NBEA: variants seen among roughly 807,000 people sequenced by gnomAD.
NBEA encodes neurobeachin.
In NBEA, 44 loss-of-function variants were observed where a neutral mutation model predicts 343.4. The ratio of observed to expected loss-of-function variants is 0.13; its 90% CI spans 0.10 to 0.16. NBEA has a LOEUF of 0.16. Among genes scored for constraint, NBEA ranks in the 10% least tolerant of loss-of-function variants. The probability of loss-of-function intolerance (pLI) is 1.00; values close to 1 mark genes in which losing one functional copy is unlikely to be tolerated. For missense variants in NBEA, 2,555 were observed against 3,631.3 expected (o/e 0.70, Z 7.62); for synonymous variants, 1,175 against 1,238.7 (o/e 0.95, Z 1.08).
intron 1 of NBEA, among the ~76,000 whole-genome samples, chr13:35,016,364 G>T (rs573989939): frequency 3.9e-5 from 6 of 152,192 alleles, no homozygotes; most frequent in East Asian, 3.9e-4. Flanking sequence ...TAGAATCTGA[G>T]TATTACATCT....
chr13:35,159,612 C>T lies in NBEA; in HGVS notation c.3441C>T (p.Leu1147=), dbSNP rs191734839. ...EDLPNSSTSF[L]FDKIPKQEEK... is the part of the protein sequence containing the mutation. ...TTCCCAATAGTAGTACATCATTTCT[C>T]TTTGATAAAATACCCAAACAGGAGG... The change falls in exon 22 of 59, where the codon CTC becomes CTT. Residue 1147 remains leucine (L), a synonymous_variant. Coordinates refer to ENST00000379939, the MANE Select transcript of NBEA (RefSeq NM_001385012.1). 415 of 1,611,406 alleles carry T rather than the reference C, an allele frequency of 2.6e-4. 2 individuals are homozygous for T. The highest frequency in any genetic ancestry group is 4.2e-5 in the Non-Finnish European group (49 of 1,178,798).
chr13:35,329,297 T>C (rs1160350996), intron 36 of NBEA, among the ~76,000 whole-genome samples: 3 of 151,996 alleles, frequency 2.0e-5, no homozygotes, highest in African/African-American at 7.2e-5. Context: ...TTTTACAAGG[T>C]TAAACATATT....
At chr13:35,207,095 A>G (rs2073444962) in intron 31 of NBEA, among the ~76,000 whole-genome samples, 1 of 151,996 alleles carries the variant, frequency 6.6e-6, no homozygotes, top group South Asian at 2.1e-4. Flanking sequence ...TTAAGATTAT[A>G]ATACCTTAAT....
At chr13:35,297,124 A>C (rs1278496961) in intron 35 of NBEA, among the ~76,000 whole-genome samples, 1 of 152,018 alleles carries the variant, frequency 6.6e-6, no homozygotes, top group African/African-American at 2.4e-5. Context: ...TCTCTTTTTT[A>C]CATGTGTTCA....
intron 48 of NBEA, among the ~76,000 whole-genome samples, chr13:35,613,734 C>T (rs2082621334): frequency 6.6e-6 from 1 of 152,104 alleles, no homozygotes; most frequent in African/African-American, 2.4e-5. Context: ...GATCCTCCCA[C>T]CTCAGCCTCC....
At chr13:35,422,409 T>G (rs919656821) in intron 38 of NBEA, among the ~76,000 whole-genome samples, 4 of 151,750 alleles carry the variant, frequency 2.6e-5, no homozygotes, top group African/African-American at 9.7e-5. Context: ...TTTGGTTTTT[T>G]GTCCTTGCGA....
chr13:35,204,961 A>T (rs531350948), intron 31 of NBEA, among the ~76,000 whole-genome samples: 1 of 152,184 alleles, frequency 6.6e-6, no homozygotes, highest in Non-Finnish European at 1.5e-5. Flanking sequence ...AGAAGATTTT[A>T]TAAGAGTTGA....
At chr13:35,161,336 A>C (rs995689359) in intron 22 of NBEA, among the ~76,000 whole-genome samples, 6 of 152,214 alleles carry the variant, frequency 3.9e-5, no homozygotes, top group African/African-American at 1.2e-4. Context: ...TGAAACTGTC[A>C]AGTAATATTT....
At chr13:35,306,515 C>T (rs2036902522) in intron 35 of NBEA, among the ~76,000 whole-genome samples, 2 of 151,886 alleles carry the variant, frequency 1.3e-5, no homozygotes, top group South Asian at 4.1e-4. Context: ...TCATATGTCC[C>T]AGTTTTATTA....
intron 11 of NBEA, among the ~76,000 whole-genome samples, chr13:35,100,189 TAATC>T (rs2065571224): frequency 6.6e-6 from 1 of 152,096 alleles, no homozygotes; most frequent in Admixed American, 6.5e-5. Context: ...GTCACAAAAA[TAATC>T]AAGTTCTAAA....
chr13:35,563,132 GAGAT>G (rs3075543), intron 44 of NBEA, among the ~76,000 whole-genome samples: 35,533 of 123,176 alleles, frequency 0.29, 4,816 homozygotes, highest in African/African-American at 0.38. Flanking sequence ...TGTGTGTGTG[GAGAT>G]AGATAGATAG....
At chr13:35,110,302 C>G (rs1340212676) in intron 12 of NBEA, among the ~76,000 whole-genome samples, 1 of 150,546 alleles carries the variant, frequency 6.6e-6, no homozygotes, top group African/African-American at 2.4e-5. Flanking sequence ...GACATGCCAT[C>G]TCTATGCTCA....
rs530921408 is a variant in NBEA, at chr13:35,338,906, A to G, written c.5904-10202A>G. ...ATGACTGGGAGAAAAACACATGATC[A>G]CATCTTAATAGATAAAATCATTTGA... On this transcript the variant is annotated intron_variant, in intron 36 of 58. Coordinates refer to ENST00000379939, the MANE Select transcript of NBEA (RefSeq NM_001385012.1). Among the ~76,000 whole-genome samples, 6 of 152,254 alleles carry G rather than the reference A, an allele frequency of 3.9e-5. No individual in the cohort carries two copies. The South Asian group carries it at 1.2e-3, about 32-fold the overall frequency.
Position 35,138,125 on chromosome 13 carries a change from T to C in NBEA, c.2337-4144T>C, listed in dbSNP as rs545802993. Among the ~76,000 whole-genome samples the C allele has an allele frequency of 5.3e-5, 8 of 152,272 alleles. No individual in the cohort carries two copies. The South Asian group carries it at 1.0e-3, about 20-fold the overall frequency. On this transcript the variant is annotated intron_variant, in intron 17 of 58. Coordinates refer to ENST00000379939, the MANE Select transcript of NBEA (RefSeq NM_001385012.1). ...AGTATAAATGGTTAGAAAGTTTCAA[T>C]TGATCAGCAATTCTTGTCAATGAAA...
chr13:35,644,218 G>A (rs975303699), intron 49 of NBEA, among the ~76,000 whole-genome samples: 6 of 152,134 alleles, frequency 3.9e-5, no homozygotes, highest in African/African-American at 1.2e-4. Flanking sequence ...GTTCAGTGTC[G>A]AGAACTGACT....
At chr13:35,041,225 C>T (rs2062636071) in intron 2 of NBEA, 61 bp downstream of exon 2, 2 of 1,265,064 alleles carry the variant, frequency 1.6e-6, no homozygotes, top group African/African-American at 3.0e-5. Flanking sequence ...ACATACTTCT[C>T]TTTATATTCT....
intron 55 of NBEA, among the ~76,000 whole-genome samples, chr13:35,663,912 G>A (rs1166688968): frequency 6.6e-6 from 1 of 152,214 alleles, no homozygotes; most frequent in African/African-American, 2.4e-5. Context: ...CAAAATTGGA[G>A]CTGATGGGTC....
chr13:35,239,351 G>A (rs1364508855), intron 34 of NBEA, among the ~76,000 whole-genome samples: 1 of 151,994 alleles, frequency 6.6e-6, no homozygotes, highest in Non-Finnish European at 1.5e-5. Context: ...GATCTATTTG[G>A]AGAATTAACT....
intron 41 of NBEA, among the ~76,000 whole-genome samples, chr13:35,479,502 A>G (rs932399585): frequency 6.6e-6 from 1 of 152,158 alleles, no homozygotes; most frequent in Non-Finnish European, 1.5e-5. Flanking sequence ...GAAATGACCT[A>G]TAGAGAGGGA....
Sources: allele counts gnomAD v4.1 joint callset (sites outside exome capture counted in the v4.1 genomes callset), GRCh38; gene constraint gnomAD v4.1.1; transcripts MANE v1.5; gene names NCBI Gene and HGNC (gene_info 2026-07-23, HGNC 2026-07-21).